CWC25: variants seen among roughly 807,000 people sequenced by gnomAD.
CWC25 encodes the protein pre-mRNA-splicing factor CWC25 homolog.
Under a neutral mutation model 54.6 loss-of-function variants are expected in CWC25, and 31 were observed. That is an observed-to-expected ratio of 0.57 (90% CI 0.43 to 0.77). CWC25 has a LOEUF of 0.77. CWC25 is among the 30% of genes least tolerant of loss of function. CWC25 has a pLI of 0.00. For synonymous variants in CWC25, 151 were observed against 187.0 expected (o/e 0.81, Z 1.57); for missense variants, 453 against 529.3 (o/e 0.86, Z 1.41).
At chr17:38,810,370 G>T in intron 5 of CWC25, 98 bp downstream of exon 5, 1 of 1,309,324 alleles carries the variant, frequency 7.6e-7, no homozygotes, top group Non-Finnish European at 1.0e-6. Context: ...CCAGTACCTG[G>T]CAGCTTCCAG....
chr17:38,811,656 T>C (rs898471449), intron 4 of CWC25, among the ~76,000 whole-genome samples: 3 of 151,796 alleles, frequency 2.0e-5, no homozygotes, highest in African/African-American at 7.3e-5. Flanking sequence ...GTCCAGGACA[T>C]TATAGGGGTT....
At chr17:38,813,548 CAAAA>C (rs35706016) in intron 3 of CWC25, among the ~76,000 whole-genome samples, 1 of 103,130 alleles carries the variant, frequency 9.7e-6, no homozygotes, top group Non-Finnish European at 2.1e-5. Context: ...GAGATTGTCT[CAAAA>C]AAAAAAAAAA....
At chr17:38,802,581 G>T (rs1911069753) in intron 9 of CWC25, 119 bp downstream of exon 9, 1 of 1,079,792 alleles carries the variant, frequency 9.3e-7, no homozygotes, top group East Asian at 2.4e-5. Context: ...AGTAGCCAAG[G>T]TGGTCTGAAG....
intron 3 of CWC25, among the ~76,000 whole-genome samples, chr17:38,813,404 C>T (rs1345765008): frequency 6.7e-6 from 1 of 150,130 alleles, no homozygotes; most frequent in Non-Finnish European, 1.5e-5. Flanking sequence ...ACCCAGGAGG[C>T]GGAGGTTGCA....
At chr17:38,803,667 C>G (rs1443010547) in intron 8 of CWC25, among the ~76,000 whole-genome samples, 1 of 151,148 alleles carries the variant, frequency 6.6e-6, no homozygotes, top group Non-Finnish European at 1.5e-5. Flanking sequence ...AAACAATTTA[C>G]TATTAAAAAT....
chr17:38,808,875 G>A (rs1911363196), intron 6 of CWC25, among the ~76,000 whole-genome samples: 1 of 151,188 alleles, frequency 6.6e-6, no homozygotes, highest in Non-Finnish European at 1.5e-5. Flanking sequence ...GAACCCAGGA[G>A]GTCGAGGTTG....
rs957127678 is a variant in CWC25, at chr17:38,818,187, A to C, written c.191+2714T>G. ...GCTACTCAGGAGGCTAAGGCAAGAG[A>C]CCCGCTTGAACCCAGGAGGCAGATG... On this transcript the variant is annotated intron_variant, in intron 2 of 9. Coordinates refer to ENST00000614790, the MANE Select transcript of CWC25 (RefSeq NM_017748.5). Among the ~76,000 whole-genome samples the C allele has an allele frequency of 2.0e-5, 3 of 151,084 alleles. No homozygotes were observed. In the Admixed American group the frequency reaches 2.0e-4, roughly 10 times the overall value.
At chr17:38,812,311 G>A (rs940739376) in intron 4 of CWC25, among the ~76,000 whole-genome samples, 3 of 152,034 alleles carry the variant, frequency 2.0e-5, no homozygotes, top group South Asian at 2.1e-4. Flanking sequence ...CTTTCCACAG[G>A]CTTAGCCCAC....
intron 4 of CWC25, among the ~76,000 whole-genome samples, chr17:38,811,861 T>A (rs1911502113): frequency 6.6e-6 from 1 of 152,046 alleles, no homozygotes; most frequent in Non-Finnish European, 1.5e-5. Flanking sequence ...ATAAGGTCAA[T>A]CTTTAACTTT....
At chr17:38,805,511 A>C (rs2143546785) in intron 8 of CWC25, among the ~76,000 whole-genome samples, 1 of 152,220 alleles carries the variant, frequency 6.6e-6, no homozygotes, top group East Asian at 1.9e-4. Flanking sequence ...ATAGTGTCTT[A>C]TTATGTTGCT....
intron 4 of CWC25, among the ~76,000 whole-genome samples, chr17:38,812,377 T>G (rs1911526593): frequency 6.6e-6 from 1 of 152,216 alleles, no homozygotes; most frequent in East Asian, 1.9e-4. Context: ...CAAAAGACTT[T>G]CAACCAAAAT....
intron 2 of CWC25, among the ~76,000 whole-genome samples, chr17:38,820,063 A>G (rs765884977): frequency 2.6e-5 from 4 of 152,098 alleles, no homozygotes; most frequent in Admixed American, 6.6e-5. Flanking sequence ...TCAGTCTCCC[A>G]AAGTGCTGGG....
chr17:38,815,322 GA>G (rs1338364392), intron 2 of CWC25, among the ~76,000 whole-genome samples: 8 of 152,260 alleles, frequency 5.3e-5, no homozygotes, highest in Admixed American at 2.6e-4. Context: ...TTGGGAGTCC[GA>G]AGCGGGTGGA....
intron 3 of CWC25, among the ~76,000 whole-genome samples, chr17:38,813,931 A>G (rs1032059872): frequency 1.3e-5 from 2 of 151,512 alleles, no homozygotes; most frequent in African/African-American, 2.4e-5. Context: ...GCGCGATCTC[A>G]GGTCACTGCA....
At chr17:38,806,091 C>T (rs1013253365) in intron 8 of CWC25, among the ~76,000 whole-genome samples, 3 of 152,172 alleles carry the variant, frequency 2.0e-5, no homozygotes, top group East Asian at 1.9e-4. Context: ...TGATTACAGG[C>T]GTGAGCCACC....
Position 38,825,053 on chromosome 17 carries a change from C to G in CWC25, c.18+113G>C, listed in dbSNP as rs529468794. The G allele has an allele frequency of 1.2e-5, 12 of 1,010,552 alleles. No homozygotes were observed. In the Admixed American group the frequency reaches 1.6e-4, roughly 14 times the overall value. The allele number at this position is 1,010,552 out of a possible 1,614,324, so 62.6% of individuals were successfully genotyped here. A position where few individuals can be genotyped will look rare whatever the true frequency, so the allele number is the denominator to read the frequency against. ...CCTCTTCAGGGCAACGGCCTCCTCC[C>G]GGCGAAAGCAAAGCTGCGTTGCCAT... On this transcript the variant is annotated intron_variant, in intron 1 of 9. Coordinates refer to ENST00000614790, the MANE Select transcript of CWC25 (RefSeq NM_017748.5).
chr17:38,819,303 G>A (rs1911829568), intron 2 of CWC25, among the ~76,000 whole-genome samples: 1 of 148,612 alleles, frequency 6.7e-6, no homozygotes, highest in Admixed American at 6.7e-5. Flanking sequence ...GAGTTCAAGT[G>A]ATTCTCCTGC....
chr17:38,810,162 G>C, intron 5 of CWC25: 1 of 439,132 alleles, frequency 2.3e-6, no homozygotes, highest in Admixed American at 4.0e-5. Context: ...GGAATCCTAA[G>C]CTGAGATGAA....
At chr17:38,811,486 T>C (rs1911485347) in intron 4 of CWC25, among the ~76,000 whole-genome samples, 1 of 145,942 alleles carries the variant, frequency 6.9e-6, no homozygotes, top group African/African-American at 2.6e-5. Flanking sequence ...TGAGCTAAGA[T>C]CGTGTCACTG....
Sources: allele counts gnomAD v4.1 joint callset (sites outside exome capture counted in the v4.1 genomes callset), GRCh38; gene constraint gnomAD v4.1.1; transcripts MANE v1.5; gene names NCBI Gene and HGNC (gene_info 2026-07-23, HGNC 2026-07-21).